The following RYR2 variants were observed in gnomAD, a reference collection of about 807,000 sequenced individuals.
RYR2 encodes the protein cardiac muscle ryanodine receptor-calcium release channel.
A neutral mutation model predicts 601.1 loss-of-function variants in RYR2; 227 were observed. That is an observed-to-expected ratio of 0.38 (90% CI 0.34 to 0.42). RYR2 has a LOEUF of 0.42. Among genes scored for constraint, RYR2 ranks in the 10% least tolerant of loss-of-function variants. RYR2 has a pLI of 1.00. For synonymous variants in RYR2, 2,223 were observed against 2,175.1 expected, an observed-to-expected ratio of 1.02 and a Z score of -0.61; for missense variants, 4,646 against 6,156.5, an observed-to-expected ratio of 0.75 and a Z score of 8.21.
intron 1 of RYR2, among the ~76,000 whole-genome samples, chr1:237,234,937 G>T (rs1212573816): frequency 1.3e-5 from 2 of 151,840 alleles, no homozygotes; most frequent in African/African-American, 4.8e-5. Flanking sequence ...GCTAATGGAT[G>T]GTGTGGAAAA....
chr1:237,500,425 C>T (rs1664510202), intron 20 of RYR2, among the ~76,000 whole-genome samples: 1 of 152,186 alleles, frequency 6.6e-6, no homozygotes, highest in Admixed American at 6.5e-5. Context: ...ATATAATCTG[C>T]TCATAGATAA....
At chr1:237,097,516 G>C (rs530246632) in intron 1 of RYR2, among the ~76,000 whole-genome samples, 1 of 152,132 alleles carries the variant, frequency 6.6e-6, no homozygotes, top group Non-Finnish European at 1.5e-5. Flanking sequence ...CTGGGTCTCT[G>C]GTATATTTAC....
intron 101 of RYR2, among the ~76,000 whole-genome samples, chr1:237,821,055 C>T (rs188209729): frequency 6.6e-6 from 1 of 152,278 alleles, no homozygotes; most frequent in African/African-American, 2.4e-5. Context: ...CCCTCATCTC[C>T]TTGGGAGAGA....
chr1:237,169,433 G>T (rs1677091826), intron 1 of RYR2, among the ~76,000 whole-genome samples: 1 of 151,804 alleles, frequency 6.6e-6, no homozygotes, highest in Non-Finnish European at 1.5e-5. Context: ...CGAGTAGCTG[G>T]GATTACAGGT....
intron 14 of RYR2, among the ~76,000 whole-genome samples, chr1:237,452,299 G>A (rs1317399817): frequency 7.1e-6 from 1 of 140,942 alleles, no homozygotes; most frequent in African/African-American, 2.6e-5. Flanking sequence ...ATAATTAATG[G>A]CATATATTAG....
At chr1:237,124,311 G>A (rs1671163907) in intron 1 of RYR2, among the ~76,000 whole-genome samples, 1 of 152,198 alleles carries the variant, frequency 6.6e-6, no homozygotes, top group Admixed American at 6.5e-5. Context: ...GGTCCCTTCT[G>A]TAGTAGTTTC....
chr1:237,673,727 T>A (rs1344043852), intron 58 of RYR2, among the ~76,000 whole-genome samples: 1 of 152,252 alleles, frequency 6.6e-6, no homozygotes, highest in Non-Finnish European at 1.5e-5. Context: ...ATAACTTTTC[T>A]AAATCCAGCT....
At chr1:237,205,140 A>G (rs1681662912) in intron 1 of RYR2, among the ~76,000 whole-genome samples, 1 of 152,188 alleles carries the variant, frequency 6.6e-6, no homozygotes, top group African/African-American at 2.4e-5. Flanking sequence ...CTCTATTTGC[A>G]CAGCAAAATC....
intron 79 of RYR2, among the ~76,000 whole-genome samples, chr1:237,735,969 G>C (rs1057431917): frequency 1.3e-5 from 2 of 152,074 alleles, no homozygotes; most frequent in African/African-American, 4.8e-5. Context: ...ACATAAAACT[G>C]TATGTTTAAA....
At chr1:237,794,102 AAT>A in intron 95 of RYR2, 105 bp downstream of exon 95, 1 of 941,998 alleles carries the variant, frequency 1.1e-6, no homozygotes, top group Non-Finnish European at 1.6e-6. Flanking sequence ...AGAGGTGAAT[AAT>A]AGTTATATAT....
chr1:237,585,364 C>G (rs1674413725), intron 29 of RYR2, among the ~76,000 whole-genome samples: 1 of 152,148 alleles, frequency 6.6e-6, no homozygotes, highest in Admixed American at 6.5e-5. Context: ...TAAGGGTTCA[C>G]CAAGATGAAA....
intron 82 of RYR2, among the ~76,000 whole-genome samples, chr1:237,758,016 A>G (rs1573828976): frequency 6.6e-6 from 1 of 152,202 alleles, no homozygotes; most frequent in East Asian, 1.9e-4. Flanking sequence ...ATCATGTCAA[A>G]TGAATTCTGG....
chr1:237,117,830 C>T (rs1670308664), intron 1 of RYR2, among the ~76,000 whole-genome samples: 1 of 152,130 alleles, frequency 6.6e-6, no homozygotes, highest in African/African-American at 2.4e-5. Context: ...ACTGCAAGCT[C>T]TCCCTCCTGG....
intron 56 of RYR2, among the ~76,000 whole-genome samples, chr1:237,662,956 T>C (rs955997364): frequency 3.3e-5 from 5 of 152,258 alleles, no homozygotes; most frequent in Non-Finnish European, 7.3e-5. Context: ...TTATTGTTAC[T>C]ATTGTTATGT....
chr1:237,398,616 A>T (rs1703068801), intron 10 of RYR2, among the ~76,000 whole-genome samples: 1 of 152,206 alleles, frequency 6.6e-6, no homozygotes, highest in Non-Finnish European at 1.5e-5. Context: ...CGTGCTGGTG[A>T]GAATGCAGAG....
intron 2 of RYR2, among the ~76,000 whole-genome samples, chr1:237,311,101 A>G (rs1443730448): frequency 6.6e-5 from 10 of 152,182 alleles, no homozygotes. Context: ...TTATATTATT[A>G]TTAAGTATTC....
intron 2 of RYR2, among the ~76,000 whole-genome samples, chr1:237,282,435 G>A (rs181705216): frequency 7.0e-4 from 106 of 152,010 alleles, no homozygotes; most frequent in African/African-American, 2.4e-3. Flanking sequence ...AAATGTGCAA[G>A]CCATTCTTAA....
chr1:237,577,913 C>T (rs552760446), intron 29 of RYR2, among the ~76,000 whole-genome samples: 1 of 152,266 alleles, frequency 6.6e-6, no homozygotes, highest in African/African-American at 2.4e-5. Flanking sequence ...AGCAATTCTC[C>T]TCCCTCAACC....
intron 1 of RYR2, among the ~76,000 whole-genome samples, chr1:237,088,256 T>C (rs572637477): frequency 1.9e-4 from 29 of 152,276 alleles, no homozygotes; most frequent in Non-Finnish European, 3.2e-4. Context: ...TTGGTACGTG[T>C]GCCAAACGCA....
Sources: allele counts gnomAD v4.1 joint callset (sites outside exome capture counted in the v4.1 genomes callset), GRCh38; gene constraint gnomAD v4.1.1; transcripts MANE v1.5; gene names NCBI Gene and HGNC (gene_info 2026-07-23, HGNC 2026-07-21).